The following CYP4B1 variants were observed in gnomAD, a reference collection of about 807,000 sequenced individuals.
CYP4B1 encodes cytochrome P450 4B1.
CYP4B1 carries 45 observed loss-of-function variants against 54.0 expected under a neutral mutation model. The ratio of observed to expected loss-of-function variants is 0.83; its 90% CI spans 0.66 to 1.07. CYP4B1 has a LOEUF of 1.07. CYP4B1 is among the 50% of genes least tolerant of loss of function. CYP4B1 has a pLI of 0.00. For missense variants in CYP4B1, 656 were observed against 655.4 expected (o/e 1.00, Z -0.01); for synonymous variants, 248 against 247.5 (o/e 1.00, Z -0.02).
intron 1 of CYP4B1, among the ~76,000 whole-genome samples, chr1:46,808,686 A>T (rs977084872): frequency 4.0e-5 from 6 of 151,348 alleles, no homozygotes; most frequent in Non-Finnish European, 7.4e-5. Flanking sequence ...TTATTGCGGC[A>T]TTATTCACAA....
At chr1:46,809,135 A>AACAG (rs1678986588) in intron 1 of CYP4B1, among the ~76,000 whole-genome samples, 2 of 151,756 alleles carry the variant, frequency 1.3e-5, no homozygotes, top group Non-Finnish European at 2.9e-5. Context: ...AAACCCAAAA[A>AACAG]ACAAACAAAA....
intron 1 of CYP4B1, among the ~76,000 whole-genome samples, chr1:46,810,099 G>A (rs955529973): frequency 6.6e-5 from 10 of 152,090 alleles, no homozygotes; most frequent in African/African-American, 2.2e-4. Flanking sequence ...TTTCTCACCT[G>A]GAATGCTTTT....
intron 1 of CYP4B1, among the ~76,000 whole-genome samples, chr1:46,804,099 G>A (rs371121814): frequency 1.9e-3 from 285 of 152,302 alleles, no homozygotes; most frequent in African/African-American, 6.5e-3. Context: ...CACAGAAGCA[G>A]GTGAGAGCTT....
Position 46,818,023 on chromosome 1 carries a change from C to A in CYP4B1, c.1266C>A (p.Asp422Glu), listed in dbSNP as rs561533017. The A allele has an allele frequency of 3.8e-5, 61 of 1,614,170 alleles. No individual in the cohort carries two copies. Among genetic ancestry groups the A allele is most frequent in the Admixed American group, 2.0e-4 (12 of 60,032 alleles). The change falls in exon 10 of 12, where the codon GAC (aspartate) becomes GAA (glutamate). Residue 422 changes from aspartate to glutamate, a missense_variant. Transcript: ENST00000371923. Reference sequence around the variant, plus strand: ...ATAGGAACAGTGCTGTATGGCCCGACCCTGAGGTACCCTTTCCCTGGGCTG... The same window carrying A: ...ATAGGAACAGTGCTGTATGGCCCGAACCTGAGGTACCCTTTCCCTGGGCTG... ...ALHRNSAVWP[D>E]PEVFDSLRFS...
intron 1 of CYP4B1, among the ~76,000 whole-genome samples, chr1:46,807,878 C>T (rs1480138248): frequency 6.6e-6 from 1 of 152,238 alleles, no homozygotes; most frequent in Non-Finnish European, 1.5e-5. Flanking sequence ...GCTACATTAT[C>T]AGATGCCTGT....
chr1:46,816,990 T>G, intron 8 of CYP4B1, 58 bp from the exon 9 acceptor site: 1 of 1,597,880 alleles, frequency 6.3e-7, no homozygotes, highest in Non-Finnish European at 8.6e-7. Context: ...GGGGTCTGCT[T>G]TCTCGCCAAA....
At chr1:46,815,031 C>G in intron 7 of CYP4B1, 43 bp from the exon 8 acceptor site, 1 of 1,574,330 alleles carries the variant, frequency 6.4e-7, no homozygotes, top group South Asian at 1.1e-5. Flanking sequence ...TGTTACCCAC[C>G]TCCAATACCT....
intron 1 of CYP4B1, among the ~76,000 whole-genome samples, chr1:46,802,192 T>G (rs1365028243): frequency 6.6e-6 from 1 of 151,152 alleles, no homozygotes; most frequent in African/African-American, 2.4e-5. Context: ...TGTGTGTGGG[T>G]GTGTGTGTGT....
chr1:46,818,670 G>A lies in CYP4B1; in HGVS notation c.1395G>A (p.Lys465=), dbSNP rs371040757. The A allele has an allele frequency of 3.1e-6, 5 of 1,614,086 alleles. No homozygotes were observed. Among genetic ancestry groups the A allele is most frequent in the Non-Finnish European group, 4.2e-6 (5 of 1,180,040 alleles). ...AGCAGTTTGCCATGAGTGAGATGAAGGTGGTCACAGCCATGTGCTTGCTCC... is the reference window on the plus strand; with the variant it reads ...AGCAGTTTGCCATGAGTGAGATGAAAGTGGTCACAGCCATGTGCTTGCTCC... ...IGQQFAMSEM[K]VVTAMCLLRF... The change falls in exon 12 of 12, where the codon AAG becomes AAA. Residue 465 remains lysine, a synonymous_variant. Coordinates refer to ENST00000371923, the MANE Select transcript of CYP4B1 (RefSeq NM_001099772.2).
At chr1:46,804,434 CT>C (rs75345024) in intron 1 of CYP4B1, among the ~76,000 whole-genome samples, 528 of 140,970 alleles carry the variant, frequency 3.7e-3, no homozygotes, top group Non-Finnish European at 3.8e-3. Context: ...CATTTTCTTT[CT>C]TTTTTTTTTT....
intron 1 of CYP4B1, among the ~76,000 whole-genome samples, chr1:46,809,269 A>G (rs1044034931): frequency 6.6e-6 from 1 of 152,214 alleles, no homozygotes; most frequent in African/African-American, 2.4e-5. Context: ...AGGGCCATTC[A>G]TGAGGGATCC....
chr1:46,803,602 G>A (rs1678743093), intron 1 of CYP4B1, among the ~76,000 whole-genome samples: 1 of 152,204 alleles, frequency 6.6e-6, no homozygotes, highest in Admixed American at 6.5e-5. Flanking sequence ...TGAGACCCAG[G>A]AAGAGGAGGC....
At chr1:46,799,958 A>G (rs898921532) in intron 1 of CYP4B1, among the ~76,000 whole-genome samples, 1 of 152,178 alleles carries the variant, frequency 6.6e-6, no homozygotes, top group African/African-American at 2.4e-5. Flanking sequence ...GGGAATTGGA[A>G]TCAACTGGGA....
rs776351257 is a variant in CYP4B1 at position 46,814,063 on chromosome 1, G to A, written c.775G>A (p.Asp259Asn). 1 of 1,613,930 alleles carries A rather than the reference G, an allele frequency of 6.2e-7. No individual in the cohort carries two copies. The change falls in exon 6 of 12, where the codon GAC (aspartate) becomes AAC (asparagine). Residue 259 changes from aspartate (D) to asparagine (N), a missense_variant and splice_region_variant. Asp to Asn is a conservative substitution (Grantham distance 23). Transcript: ENST00000371923. ...RACQVAHDHTDQVIRERKAAL... is the reference protein window; with the variant it reads ...RACQVAHDHTNQVIRERKAAL... ...CTGCCAGGTGGCCCATGACCATACA[G>A]GTGGGCCTTTCCCACAAGGCTCACC...
rs763330238 is a variant in CYP4B1, at chr1:46,815,245, G to A, written c.1054G>A (p.Asp352Asn). 3.2e-6 allele frequency: 5 copies of A among 1,569,420 alleles called. No homozygotes were observed. In the East Asian group the frequency reaches 1.1e-4, roughly 36 times the overall value. Residue 352 changes from aspartate to asparagine, a missense_variant, in exon 8 of 12, where the codon GAC (aspartate) becomes AAC (asparagine). Transcript: ENST00000371923. ...CREEVREILG[D>N]QDFFQWDDLG... is the part of the protein sequence containing the mutation. ...AGAGGAGGTCCGCGAGATCCTAGGG[G>A]ACCAGGACTTCTTCCAGTGGTGAGT...
chr1:46,808,911 T>C (rs1458107564), intron 1 of CYP4B1, among the ~76,000 whole-genome samples: 27 of 131,686 alleles, frequency 2.1e-4, no homozygotes, highest in Non-Finnish European at 3.7e-4. Flanking sequence ...TAGGTGGGAA[T>C]TGAACAATGA....
intron 1 of CYP4B1, among the ~76,000 whole-genome samples, chr1:46,810,003 G>T (rs45520733): frequency 2.0e-5 from 3 of 152,142 alleles, no homozygotes; most frequent in African/African-American, 7.2e-5. Context: ...ACCTATTCAA[G>T]CTCATCCCAG....
chr1:46,812,166 G>C (rs1402656600), intron 3 of CYP4B1: 2 of 489,184 alleles, frequency 4.1e-6, no homozygotes, highest in African/African-American at 3.9e-5. Context: ...CCTCTGCTTG[G>C]CTGTCCCCAG....
At chr1:46,808,881 A>G (rs1203605668) in intron 1 of CYP4B1, among the ~76,000 whole-genome samples, 1 of 143,938 alleles carries the variant, frequency 6.9e-6, no homozygotes, top group Non-Finnish European at 1.5e-5. Flanking sequence ...AAAAAACCAA[A>G]CACCGCATAT....
Sources: gnomAD v4.1 joint callset for allele counts (sites outside exome capture counted in the v4.1 genomes callset) on GRCh38, gnomAD v4.1.1 for gene constraint, MANE v1.5 for transcripts, NCBI Gene and HGNC (gene_info 2026-07-23, HGNC 2026-07-21) for gene names.